The following MEIOB variants were observed in gnomAD, a reference collection of about 807,000 sequenced individuals.
MEIOB encodes meiosis specific with OB-fold.
A neutral mutation model predicts 53.1 loss-of-function variants in MEIOB; 50 were observed. That is an observed-to-expected ratio of 0.94 (90% CI 0.75 to 1.19). The LOEUF (loss-of-function observed/expected upper bound fraction) is 1.19, where lower values mean the gene tolerates loss of function less well. Among genes scored for constraint, MEIOB ranks in the 50% most tolerant of loss-of-function variants. The pLI, the probability that MEIOB is intolerant of heterozygous loss-of-function variation, is 0.00. For missense variants in MEIOB, 551 were observed against 550.8 expected, an observed-to-expected ratio of 1.00 and a Z score of 0.00; for synonymous variants, 192 against 182.5, an observed-to-expected ratio of 1.05 and a Z score of -0.42.
At chr16:1,848,730 G>A (rs1004357212) in intron 9 of MEIOB, among the ~76,000 whole-genome samples, 3 of 151,856 alleles carry the variant, frequency 2.0e-5, no homozygotes, top group African/African-American at 7.3e-5. Flanking sequence ...TTTTAGTAGA[G>A]ATGATATTTC....
At position 1,872,120 on chromosome 16, in the gene MEIOB, C is replaced by T. The variant is rs951585651; in HGVS notation, c.-137G>A. ...TCTCCACAGGACGCTCGGGCCACAG[C>T]CTCGTGCAGGTGCGACGGCCGCGCG... On this transcript the variant is annotated 5_prime_UTR_variant, in exon 1 of 14. Transcript: ENST00000325962. 6.6e-6 allele frequency: 1 copy of T among 151,918 alleles called. No homozygotes were observed. The highest frequency in any genetic ancestry group is 2.4e-5 in the African/African-American group (1 of 41,414). The allele number at this position is 151,918 out of a possible 1,614,324, so 9.4% of individuals were successfully genotyped here.
intron 10 of MEIOB, among the ~76,000 whole-genome samples, chr16:1,844,182 G>A (rs940255262): frequency 2.1e-4 from 32 of 149,762 alleles, no homozygotes; most frequent in Non-Finnish European, 3.4e-4. Context: ...GAGTACAGTG[G>A]TGTGATCTTG....
At chr16:1,844,672 G>A (rs1014996116) in intron 10 of MEIOB, among the ~76,000 whole-genome samples, 190 bp downstream of exon 10, 1 of 152,154 alleles carries the variant, frequency 6.6e-6, no homozygotes, top group African/African-American at 2.4e-5. Flanking sequence ...ATGTTGGCCA[G>A]GCTGGTCTCA....
chr16:1,848,988 T>G (rs1899093648), intron 9 of MEIOB, among the ~76,000 whole-genome samples: 1 of 151,996 alleles, frequency 6.6e-6, no homozygotes, highest in Non-Finnish European at 1.5e-5. Context: ...AGGCAAAAGG[T>G]ATATAAGATG....
intron 6 of MEIOB, among the ~76,000 whole-genome samples, chr16:1,856,751 C>G (rs922358628): frequency 2.1e-5 from 3 of 142,968 alleles, no homozygotes; most frequent in Non-Finnish European, 3.0e-5. Context: ...TGAGCCACCA[C>G]GCCAGGCCTT....
chr16:1,838,525 G>C (rs762630114), intron 12 of MEIOB, among the ~76,000 whole-genome samples: 4 of 152,120 alleles, frequency 2.6e-5, no homozygotes, highest in Non-Finnish European at 5.9e-5. Flanking sequence ...CTGTTGTATA[G>C]CTGCAAATCA....
intron 9 of MEIOB, among the ~76,000 whole-genome samples, chr16:1,845,437 A>G (rs3925438): frequency 0.19 from 28,696 of 151,980 alleles, 2,838 homozygotes; most frequent in South Asian, 0.28. Flanking sequence ...GGAGACTGGC[A>G]TGAACCTGGG....
intron 1 of MEIOB, among the ~76,000 whole-genome samples, chr16:1,871,265 G>C (rs1353436234): frequency 6.7e-6 from 1 of 149,950 alleles, no homozygotes; most frequent in East Asian, 2.0e-4. Context: ...TGTCGCCCAG[G>C]CTGGAGCGCA....
intron 3 of MEIOB, among the ~76,000 whole-genome samples, chr16:1,864,501 T>C (rs1285603321): frequency 5.4e-4 from 81 of 150,926 alleles, no homozygotes; most frequent in African/African-American, 1.9e-3. Flanking sequence ...TTTTTTTTTT[T>C]TTTTGAGACA....
chr16:1,859,312 C>T (rs948928823), intron 5 of MEIOB, among the ~76,000 whole-genome samples: 1 of 152,088 alleles, frequency 6.6e-6, no homozygotes, highest in Non-Finnish European at 1.5e-5. Context: ...GAGGCCGAGG[C>T]GGGCGGATCA....
intron 9 of MEIOB, among the ~76,000 whole-genome samples, chr16:1,851,173 T>C (rs1280031728): frequency 6.6e-6 from 1 of 152,146 alleles, no homozygotes. Flanking sequence ...TCTAACAGCC[T>C]CCGAGGCCTT....
intron 10 of MEIOB, among the ~76,000 whole-genome samples, chr16:1,842,587 C>G: frequency 8.0e-6 from 1 of 125,614 alleles, no homozygotes. Flanking sequence ...GGCGCCATTG[C>G]ACTCCAGTCT....
At chr16:1,846,714 A>G (rs1251818195) in intron 9 of MEIOB, among the ~76,000 whole-genome samples, 1 of 151,974 alleles carries the variant, frequency 6.6e-6, no homozygotes, top group East Asian at 1.9e-4. Flanking sequence ...AAAGCCAAAT[A>G]CCATATGTTC....
At chr16:1,846,797 T>C (rs1215827780) in intron 9 of MEIOB, among the ~76,000 whole-genome samples, 1 of 151,858 alleles carries the variant, frequency 6.6e-6, no homozygotes, top group Admixed American at 6.6e-5. Context: ...CTGGGGCCTG[T>C]TGGGGAATGG....
At chr16:1,841,246 G>C (rs1173641694) in intron 11 of MEIOB, 1 of 151,822 alleles carries the variant, frequency 6.6e-6, no homozygotes, top group Non-Finnish European at 1.5e-5. Context: ...TCAAACTCCT[G>C]ACCTCAGGTG....
chr16:1,866,267 A>G (rs1899590174), intron 2 of MEIOB, among the ~76,000 whole-genome samples: 1 of 152,194 alleles, frequency 6.6e-6, no homozygotes, highest in Non-Finnish European at 1.5e-5. Context: ...AACATGCTGG[A>G]CAGTAATATA....
At position 1,853,055 on chromosome 16, in the gene MEIOB, A is replaced by G. The variant is rs377077737; in HGVS notation, c.762T>C (p.Ile254=). 125 of 1,610,660 alleles carry G rather than the reference A, an allele frequency of 7.8e-5. No individual in the cohort carries two copies. The highest frequency in any genetic ancestry group is 1.0e-4 in the Non-Finnish European group (123 of 1,177,334). Residue 254 remains isoleucine, a synonymous_variant, in exon 9 of 14, where the codon ATT becomes ATC. Coordinates refer to ENST00000325962, the MANE Select transcript of MEIOB (RefSeq NM_001163560.3). The stretch of plus-strand genomic sequence containing the variant: ...GTTTTTTACCTGGATTAGTTGTAAT[A>G]ATGGTTTTTGAGATTACAGTTGCTG... ...CMTATVISKT[I]ITTNPDIPEA...
In MEIOB at chr16:1,854,272, C is replaced by T. The variant is rs1899242854; in HGVS notation, c.529-72G>A. The stretch of plus-strand genomic sequence containing the variant: ...TCTTAAGTATTTGTTGATGAAAATA[C>T]TCAAATGTTCACCTTTTAAACACCA... On this transcript the variant is annotated intron_variant, in intron 6 of 13. Transcript: ENST00000325962. The T allele has an allele frequency of 1.3e-5, 11 of 862,930 alleles. No individual in the cohort carries two copies. The South Asian group carries it at 1.6e-4, about 13-fold the overall frequency. The allele number at this position is 862,930 out of a possible 1,614,324, so 53.5% of individuals were successfully genotyped here.
chr16:1,844,663 T>C (rs1271269178), intron 10 of MEIOB, among the ~76,000 whole-genome samples, 199 bp downstream of exon 10: 1 of 152,170 alleles, frequency 6.6e-6, no homozygotes, highest in Non-Finnish European at 1.5e-5. Context: ...CGTTTTGCCA[T>C]GTTGGCCAGG....
Sources: gnomAD v4.1 joint callset for allele counts (sites outside exome capture counted in the v4.1 genomes callset) on GRCh38, gnomAD v4.1.1 for gene constraint, MANE v1.5 for transcripts, NCBI Gene and HGNC (gene_info 2026-07-23, HGNC 2026-07-21) for gene names.